The following PRPSAP1 variants were observed in gnomAD, a reference collection of about 807,000 sequenced individuals.
The protein encoded by PRPSAP1 is phosphoribosyl pyrophosphate synthetase associated protein 1, also known as phosphoribosyl pyrophosphate synthase-associated protein 1.
In PRPSAP1, 31 loss-of-function variants were observed where a neutral mutation model predicts 39.4. The ratio of observed to expected loss-of-function variants is 0.79; its 90% CI spans 0.59 to 1.06. The LOEUF (loss-of-function observed/expected upper bound fraction) is 1.06, where lower values mean the gene tolerates loss of function less well. Among genes scored for constraint, PRPSAP1 ranks in the 50% least tolerant of loss-of-function variants. The probability of loss-of-function intolerance (pLI) is 0.00; values close to 1 mark genes in which losing one functional copy is unlikely to be tolerated. For synonymous variants in PRPSAP1, 212 were observed against 192.6 expected, an observed-to-expected ratio of 1.10 and a Z score of -0.83; for missense variants, 430 against 511.6, an observed-to-expected ratio of 0.84 and a Z score of 1.54.
intron 7 of PRPSAP1, chr17:76,314,328 T>C (rs1163294666): frequency 9.8e-6 from 2 of 203,876 alleles, no homozygotes; most frequent in Admixed American, 1.1e-4. Context: ...CAAGCAATTC[T>C]GCCTCAGCCT....
intron 1 of PRPSAP1, among the ~76,000 whole-genome samples, chr17:76,352,644 CAAAAAAAAAA>C (rs55986677): frequency 1.9e-5 from 1 of 53,584 alleles, no homozygotes; most frequent in Non-Finnish European, 3.9e-5. Context: ...GACTCCGTCT[CAAAAAAAAAA>C]AAAAAAAAAA....
chr17:76,353,696 T>C lies in PRPSAP1; in HGVS notation c.8A>G (p.Lys3Arg), dbSNP rs1290910814. 2.7e-6 allele frequency: 4 copies of C among 1,483,344 alleles called. No homozygotes were observed. Among genetic ancestry groups the C allele is most frequent in the Non-Finnish European group, 2.7e-6 (3 of 1,122,922 alleles). 91.9% of individuals were successfully genotyped at this position (1,483,344 alleles called of 1,614,324 possible). Residue 3 changes from lysine (K) to arginine (R), a missense_variant, in exon 1 of 10, where the codon AAG becomes AGG. Coordinates refer to ENST00000446526, the MANE Select transcript of PRPSAP1 (RefSeq NM_002766.3). The part of the protein sequence containing the change: MP[K>R]KLLLLPPPSA... ...GGGCGGGGGCAACAGCAGCAGCTTC[T>C]TGGGCATCGTCCGGCCCGCGGCGCG...
Position 76,313,690 on chromosome 17 carries a change from G to C in PRPSAP1, c.852+131C>G, listed in dbSNP as rs1009976628. 5.1e-6 allele frequency: 5 copies of C among 973,050 alleles called. No individual in the cohort carries two copies. In the African/African-American group the frequency reaches 6.5e-5, roughly 13 times the overall value. The allele number at this position is 973,050 out of a possible 1,614,324, so 60.3% of individuals were successfully genotyped here. ...ACAGGTTTCTGCCACTTGGCACAAG[G>C]GAGTTTGGGTGAGAAAGGATACATG... is the stretch of plus-strand genomic sequence containing the variant. On this transcript the variant is annotated intron_variant, in intron 8 of 9. Coordinates refer to ENST00000446526, the MANE Select transcript of PRPSAP1 (RefSeq NM_002766.3).
chr17:76,330,265 G>T, intron 5 of PRPSAP1, 167 bp from the exon 6 acceptor site: 1 of 614,108 alleles, frequency 1.6e-6, no homozygotes, highest in Non-Finnish European at 2.8e-6. Context: ...TAACATCACT[G>T]GAAAAAGCAC....
intron 7 of PRPSAP1, among the ~76,000 whole-genome samples, chr17:76,320,051 C>CAA (rs1491561470): frequency 5.9e-5 from 9 of 151,900 alleles, no homozygotes; most frequent in African/African-American, 2.2e-4. Context: ...AGGCGGATCA[C>CAA]TTGAGGTCAG....
At chr17:76,324,017 A>G (rs1439636680) in intron 7 of PRPSAP1, among the ~76,000 whole-genome samples, 1 of 135,456 alleles carries the variant, frequency 7.4e-6, no homozygotes, top group African/African-American at 2.8e-5. Flanking sequence ...GTGGTGGCAC[A>G]CATCTGTAAT....
intron 2 of PRPSAP1, among the ~76,000 whole-genome samples, chr17:76,347,529 A>T (rs1020355588): frequency 8.2e-4 from 115 of 139,862 alleles, no homozygotes; most frequent in African/African-American, 2.8e-3. Context: ...AGACAGAGTG[A>T]GGGGAAAGAG....
At chr17:76,352,663 A>G (rs113420155) in intron 1 of PRPSAP1, among the ~76,000 whole-genome samples, 1,821 of 144,138 alleles carry the variant, frequency 0.013, 22 homozygotes, top group African/African-American at 0.046. Flanking sequence ...AAAAAAAAAA[A>G]AAAAGAAAAG....
At chr17:76,353,985 G>A, upstream of PRPSAP1, 1 of 1,265,122 alleles carries the variant, frequency 7.9e-7, no homozygotes, top group Non-Finnish European at 9.9e-7. Context: ...CATCTCGGAT[G>A]AGGGCAGGGA....
At chr17:76,354,089 T>C (rs2071617348), upstream of PRPSAP1, 1 of 1,033,596 alleles carries the variant, frequency 9.7e-7, no homozygotes, top group African/African-American at 1.7e-5. Flanking sequence ...GCTCTTTCGG[T>C]CTCACTTTCT....
Position 76,353,525 on chromosome 17 carries a change from C to A in PRPSAP1, c.170+9G>T. 1 of 1,506,050 alleles carries A rather than the reference C, an allele frequency of 6.6e-7. No individual in the cohort carries two copies. Among genetic ancestry groups the A allele is most frequent in the Non-Finnish European group, 8.8e-7 (1 of 1,131,510 alleles). 93.3% of individuals were successfully genotyped at this position (1,506,050 alleles called of 1,614,324 possible). ...CGCCCCCGGCCCGGCCCTCCCACCG[C>A]CCCCTTACTCTGTGATGCGCTTGGC... On this transcript the variant is annotated intron_variant, in intron 1 of 9. Transcript: ENST00000446526.
chr17:76,347,484 C>CAAAAAAAAA (rs71161289), intron 2 of PRPSAP1, among the ~76,000 whole-genome samples: 17 of 25,222 alleles, frequency 6.7e-4, no homozygotes, highest in East Asian at 2.0e-3. Context: ...AAGACTCCGT[C>CAAAAAAAAA]AAAAAAAAAA....
chr17:76,343,368 C>T (rs1471541488), intron 3 of PRPSAP1, among the ~76,000 whole-genome samples: 1 of 152,224 alleles, frequency 6.6e-6, no homozygotes, highest in African/African-American at 2.4e-5. Flanking sequence ...CAGAGATAGG[C>T]TAGAAACAGG....
At chr17:76,315,700 C>CCTTT (rs2071115206) in intron 7 of PRPSAP1, among the ~76,000 whole-genome samples, 1 of 72,640 alleles carries the variant, frequency 1.4e-5, no homozygotes, top group Non-Finnish European at 2.4e-5. Context: ...GACCTATCCG[C>CCTTT]TTTTTTTTTT....
Position 76,353,809 on chromosome 17 carries a change from G to A in PRPSAP1, c.-106C>T. 1.4e-6 allele frequency: 2 copies of A among 1,387,560 alleles called. No homozygotes were observed. Among genetic ancestry groups the A allele is most frequent in the Non-Finnish European group, 1.9e-6 (2 of 1,079,030 alleles). The allele number at this position is 1,387,560 out of a possible 1,614,324, so 86.0% of individuals were successfully genotyped here. ...GGTGGGGAAGGCGCTGAGAAACTCG[G>A]CGCAAGCGGGGAGAGCTCCGAGGTC... is the stretch of plus-strand genomic sequence containing the variant. On this transcript the variant is annotated 5_prime_UTR_variant, in exon 1 of 10. Coordinates refer to ENST00000446526, the MANE Select transcript of PRPSAP1 (RefSeq NM_002766.3).
chr17:76,329,193 C>T (rs1283731282), intron 6 of PRPSAP1, among the ~76,000 whole-genome samples: 1 of 151,900 alleles, frequency 6.6e-6, no homozygotes, highest in Admixed American at 6.6e-5. Flanking sequence ...ACCTCAACCT[C>T]CCGAGTAGCG....
At chr17:76,320,312 G>A (rs1460206652) in intron 7 of PRPSAP1, among the ~76,000 whole-genome samples, 8 of 125,980 alleles carry the variant, frequency 6.4e-5, no homozygotes, top group Non-Finnish European at 1.3e-4. Context: ...AGAAAGGAAG[G>A]GAGGAAGGGA....
chr17:76,352,766 T>C (rs1185355178), intron 1 of PRPSAP1, among the ~76,000 whole-genome samples: 1 of 151,966 alleles, frequency 6.6e-6, no homozygotes, highest in African/African-American at 2.4e-5. Flanking sequence ...TACTTCTACA[T>C]TATCCCGATC....
At chr17:76,341,930 C>A (rs1194560240) in intron 3 of PRPSAP1, among the ~76,000 whole-genome samples, 1 of 152,118 alleles carries the variant, frequency 6.6e-6, no homozygotes, top group Non-Finnish European at 1.5e-5. Context: ...CAGAGTGAGA[C>A]TCCGTCTAAA....
Sources: allele counts gnomAD v4.1 joint callset (sites outside exome capture counted in the v4.1 genomes callset), GRCh38; gene constraint gnomAD v4.1.1; transcripts MANE v1.5; gene names NCBI Gene and HGNC (gene_info 2026-07-23, HGNC 2026-07-21).